The following STXBP5L variants were observed in gnomAD, a reference collection of about 807,000 sequenced individuals.
STXBP5L encodes syntaxin binding protein 5L.
Under a neutral mutation model 144.5 loss-of-function variants are expected in STXBP5L, and 65 were observed. The ratio of observed to expected loss-of-function variants is 0.45; its 90% CI spans 0.37 to 0.55. The LOEUF is 0.55. Ranked by LOEUF, STXBP5L falls within the 20% of genes least tolerant of loss-of-function variation. The pLI, the probability that STXBP5L is intolerant of heterozygous loss-of-function variation, is 0.00. For missense variants in STXBP5L, 1,298 were observed against 1,405.5 expected (o/e 0.92, Z 1.22); for synonymous variants, 505 against 469.6 (o/e 1.08, Z -0.97).
chr3:121,057,760 AT>A (rs746167720), intron 5 of STXBP5L, among the ~76,000 whole-genome samples: 2 of 151,956 alleles, frequency 1.3e-5, no homozygotes, highest in East Asian at 1.9e-4. Context: ...TTGCATTTCT[AT>A]TTTTTATAAC....
At chr3:121,107,624 A>G (rs779104994) in intron 5 of STXBP5L, among the ~76,000 whole-genome samples, 82 of 152,138 alleles carry the variant, frequency 5.4e-4, no homozygotes, top group Non-Finnish European at 5.1e-4. Context: ...GCCTTGTGGT[A>G]TAGCTTGAAG....
intron 2 of STXBP5L, among the ~76,000 whole-genome samples, chr3:120,930,195 T>C (rs1333015863): frequency 1.3e-5 from 2 of 151,226 alleles, no homozygotes; most frequent in Admixed American, 6.6e-5. Flanking sequence ...AAAATAAACT[T>C]ATTTTATTTA....
intron 22 of STXBP5L, among the ~76,000 whole-genome samples, chr3:121,382,034 A>G (rs1411429883): frequency 6.6e-6 from 1 of 152,070 alleles, no homozygotes; most frequent in Non-Finnish European, 1.5e-5. Flanking sequence ...GCTAGTGCCT[A>G]GAGAATTTGA....
chr3:121,014,817 T>A (rs1487676100), intron 3 of STXBP5L, among the ~76,000 whole-genome samples: 3 of 152,088 alleles, frequency 2.0e-5, no homozygotes, highest in African/African-American at 7.2e-5. Flanking sequence ...TTAGACCTAA[T>A]AAGTAAACTT....
intron 22 of STXBP5L, among the ~76,000 whole-genome samples, chr3:121,383,696 AG>A (rs2046367199): frequency 6.6e-6 from 1 of 152,148 alleles, no homozygotes; most frequent in South Asian, 2.1e-4. Flanking sequence ...GGAAAAGATA[AG>A]GGTGACAGAA....
chr3:121,182,107 A>G (rs970250568), intron 9 of STXBP5L, among the ~76,000 whole-genome samples: 1 of 152,216 alleles, frequency 6.6e-6, no homozygotes, highest in Non-Finnish European at 1.5e-5. Context: ...ACAGCACTAC[A>G]CAGATCATCA....
At chr3:121,051,317 A>G (rs547596196) in intron 5 of STXBP5L, among the ~76,000 whole-genome samples, 1 of 152,316 alleles carries the variant, frequency 6.6e-6, no homozygotes, top group East Asian at 1.9e-4. Context: ...CTATTCCAAA[A>G]TTGACCACAT....
chr3:121,395,107 C>T (rs958567814), intron 22 of STXBP5L, among the ~76,000 whole-genome samples: 5 of 152,004 alleles, frequency 3.3e-5, no homozygotes, highest in African/African-American at 1.2e-4. Context: ...ATATATAGTT[C>T]TTTTCTTAAT....
intron 9 of STXBP5L, among the ~76,000 whole-genome samples, chr3:121,178,714 A>G (rs556729633): frequency 6.6e-6 from 1 of 152,220 alleles, no homozygotes; most frequent in East Asian, 1.9e-4. Context: ...GGATTTAGGG[A>G]ATGGTGCAAA....
At chr3:121,011,539 A>G (rs1236804475) in intron 3 of STXBP5L, among the ~76,000 whole-genome samples, 1 of 151,696 alleles carries the variant, frequency 6.6e-6, no homozygotes, top group Non-Finnish European at 1.5e-5. Flanking sequence ...CTCAAGCTTC[A>G]TCCTCATTTA....
chr3:121,149,795 GAATA>G lies in STXBP5L; in HGVS notation c.670-2675_670-2672del, dbSNP rs1370706563. Reference sequence around the variant, plus strand: ...TCCTAAAAGATATAAACATATACTCGAATAAATAAAAGGTGGTATCCTTTGCTCT... The same window carrying G: ...TCCTAAAAGATATAAACATATACTCGAATAAAAGGTGGTATCCTTTGCTCT... On this transcript the variant is annotated intron_variant, in intron 7 of 26. Coordinates refer to ENST00000471454, the MANE Select transcript of STXBP5L (RefSeq NM_001308330.2). Among the ~76,000 whole-genome samples, 3 of 151,892 alleles carry G rather than the reference GAATA, an allele frequency of 2.0e-5. No individual in the cohort carries two copies. In the East Asian group the frequency reaches 5.8e-4, roughly 29 times the overall value.
At chr3:121,032,250 CA>C (rs11425726) in intron 3 of STXBP5L, among the ~76,000 whole-genome samples, 36,266 of 134,986 alleles carry the variant, frequency 0.27, 4,415 homozygotes, top group African/African-American at 0.28. Context: ...AAGTGATGGG[CA>C]AAAAAAAAAA....
At chr3:121,121,015 G>T (rs1378859674) in intron 6 of STXBP5L, among the ~76,000 whole-genome samples, 1 of 151,154 alleles carries the variant, frequency 6.6e-6, no homozygotes, top group Non-Finnish European at 1.5e-5. Context: ...GATAGAGAGA[G>T]CCCAGGTCTT....
At chr3:121,187,437 T>G (rs13434008) in intron 9 of STXBP5L, among the ~76,000 whole-genome samples, 13,746 of 148,464 alleles carry the variant, frequency 0.093, 1,080 homozygotes, top group Admixed American at 0.19. Flanking sequence ...AGGGATAGCA[T>G]TAGGAGATAC....
chr3:121,316,557 T>C (rs1203264636), intron 19 of STXBP5L, among the ~76,000 whole-genome samples: 1 of 152,196 alleles, frequency 6.6e-6, no homozygotes, highest in Admixed American at 6.5e-5. Context: ...TTCTTATCTG[T>C]ATGATGGGGT....
At chr3:121,351,627 C>T (rs1414766996) in intron 20 of STXBP5L, among the ~76,000 whole-genome samples, 2 of 152,062 alleles carry the variant, frequency 1.3e-5, no homozygotes, top group Non-Finnish European at 2.9e-5. Context: ...AAATTTTCTC[C>T]CATTTATATG....
chr3:121,320,591 C>A (rs1302049336), intron 20 of STXBP5L, among the ~76,000 whole-genome samples: 2 of 151,736 alleles, frequency 1.3e-5, no homozygotes, highest in Admixed American at 1.3e-4. Flanking sequence ...ATTATAATTG[C>A]TGTCAGTTTT....
intron 5 of STXBP5L, among the ~76,000 whole-genome samples, chr3:121,051,916 A>T (rs976244605): frequency 6.6e-6 from 1 of 152,218 alleles, no homozygotes. Context: ...ATCACCACCG[A>T]TCCCACAGAA....
At chr3:121,315,947 G>A (rs1008739992) in intron 19 of STXBP5L, among the ~76,000 whole-genome samples, 1 of 151,192 alleles carries the variant, frequency 6.6e-6, no homozygotes, top group Non-Finnish European at 1.5e-5. Context: ...AGGTTGCAGT[G>A]AGCCGAGATT....
Sources: gnomAD v4.1 joint callset for allele counts (sites outside exome capture counted in the v4.1 genomes callset) on GRCh38, gnomAD v4.1.1 for gene constraint, MANE v1.5 for transcripts, NCBI Gene and HGNC (gene_info 2026-07-23, HGNC 2026-07-21) for gene names.